Variants in SNAPC4 observed in about 807,000 individuals in gnomAD.
SNAPC4 encodes snRNA-activating protein complex subunit 4.
Under a neutral mutation model 151.3 loss-of-function variants are expected in SNAPC4, and 127 were observed. The ratio of observed to expected loss-of-function variants is 0.84; its 90% confidence interval spans 0.73 to 0.97. The LOEUF is 0.97. Ranked by LOEUF, SNAPC4 falls within the 50% of genes least tolerant of loss-of-function variation. The pLI is 0.00. For synonymous variants in SNAPC4, 1,002 were observed against 824.4 expected (o/e 1.22, Z -3.69); for missense variants, 2,186 against 1,935.0 (o/e 1.13, Z -2.43).
chr9:136,386,094 T>C (rs893962097), intron 13 of SNAPC4, among the ~76,000 whole-genome samples: 3 of 152,126 alleles, frequency 2.0e-5, no homozygotes, highest in African/African-American at 7.2e-5. Context: ...GGCTGGACCA[T>C]TTTACAACGC....
Position 136,382,395 on chromosome 9 carries a change from T to A in SNAPC4, c.1984-59A>T, listed in dbSNP as rs369944318. The stretch of plus-strand genomic sequence containing the variant: ...GGGTGTACGGGACACATGGGGGCCC[T>A]CCCCTCGCTGCCCACACACGACTGC... On this transcript the variant is annotated intron_variant, in intron 16 of 23. Transcript: ENST00000684778. The A allele has an allele frequency of 9.2e-6, 13 of 1,405,830 alleles. No individual in the cohort carries two copies. The Admixed American group carries it at 2.1e-4, about 22-fold the overall frequency. The allele number at this position is 1,405,830 out of a possible 1,614,324, so 87.1% of individuals were successfully genotyped here. A position where few individuals can be genotyped will look rare whatever the true frequency, so the allele number is the denominator to read the frequency against.
intron 11 of SNAPC4, 116 bp from the exon 12 acceptor site, chr9:136,387,964 C>A: frequency 1.5e-6 from 1 of 685,614 alleles, no homozygotes; most frequent in Non-Finnish European, 2.6e-6. Flanking sequence ...CCAGATGGGT[C>A]ACATAGAAAA....
rs200823536 is a variant in SNAPC4, at chr9:136,383,683, G to C, written c.1501-15C>G. 2.1e-5 allele frequency: 33 copies of C among 1,587,000 alleles called. No homozygotes were observed. Among genetic ancestry groups the C allele is most frequent in the Admixed American group, 1.4e-4 (8 of 58,846 alleles). ...CCCTGCTTCTTCTGAGGGGAGGAAA[G>C]AGCTACTTAGAGGCCTTGGCAAGCC... On this transcript the variant is annotated splice_polypyrimidine_tract_variant and intron_variant, in intron 15 of 23. Transcript: ENST00000684778. This position sits in a 1 kb window ranked among gnomAD's most constrained non-coding sequence, Gnocchi z 4.2.
intron 10 of SNAPC4, among the ~76,000 whole-genome samples, chr9:136,389,408 G>A (rs1296039158): frequency 1.3e-5 from 2 of 152,192 alleles, no homozygotes; most frequent in African/African-American, 4.8e-5. Context: ...GGGTGGCAGA[G>A]GGCACGCAGA....
rs1447395561 is a variant in SNAPC4 at position 136,379,846 on chromosome 9, T to C, written c.2518A>G (p.Ser840Gly). The C allele has an allele frequency of 6.2e-7, 1 of 1,613,360 alleles. No homozygotes were observed. Among genetic ancestry groups the C allele is most frequent in the East Asian group, 2.2e-5 (1 of 44,870 alleles). ...HLLQASSSAQ[S>G]TPGHLFPNVP... The stretch of plus-strand genomic sequence containing the variant: ...AGAGAAGCAGAGTTACCTGGGGTGC[T>C]CTGGGCACTTGAGGATGCCTGGAAA... Residue 840 changes from serine (S) to glycine (G), a missense_variant, in exon 21 of 24, where the codon AGC (serine) becomes GGC (glycine). By Grantham distance (56) the Ser-to-Gly change is moderately conservative. Transcript: ENST00000684778.
chr9:136,378,133 T>TG lies in SNAPC4; in HGVS notation c.3693dup (p.Arg1232GlnfsTer17), dbSNP rs1175340132. 1.2e-6 allele frequency: 2 copies of TG among 1,606,592 alleles called. No homozygotes were observed. The highest frequency in any genetic ancestry group is 4.5e-5 in the East Asian group (2 of 44,584). On this transcript the variant is annotated frameshift_variant, in exon 22 of 24. Coordinates refer to ENST00000684778, the MANE Select transcript of SNAPC4 (RefSeq NM_003086.4). LOFTEE classifies it high-confidence loss of function. The stretch of plus-strand genomic sequence containing the variant: ...AGCTTCTCCAGGCCCAGAGGCCCCC[T>TG]GGGCTCCTGTGTCCCTGAGGGGGAC...
Position 136,394,998 on chromosome 9 carries a change from T to C in SNAPC4, c.472-120A>G, listed in dbSNP as rs74809972. 0.021 allele frequency: 19,775 copies of C among 923,718 alleles called. 292 individuals carry two copies. Among genetic ancestry groups the C allele is most frequent in the Non-Finnish European group, 0.027 (16,529 of 615,806 alleles). The allele number at this position is 923,718 out of a possible 1,614,324, so 57.2% of individuals were successfully genotyped here. A position where few individuals can be genotyped will look rare whatever the true frequency, so the allele number is the denominator to read the frequency against. On this transcript the variant is annotated intron_variant, in intron 5 of 23. Transcript: ENST00000684778. ...CCCCCTGCCTCCTGTTCTCCCGTAC[T>C]GTGAGGCTGTGGGGGTGCAACCCTG... is the stretch of plus-strand genomic sequence containing the variant.
In SNAPC4 at chr9:136,378,728, C is replaced by T; in HGVS notation, c.3099G>A (p.Arg1033=). The stretch of plus-strand genomic sequence containing the variant: ...GTGGCGCCTCAGGCAGGCCCTGCTT[C>T]CGGGATGCAGCGGGGGCCTGAGACT... ...LGQSQAPAAS[R]KQGLPEAPPF... is the part of the protein sequence containing the mutation. Residue 1033 remains arginine (R), a synonymous_variant, in exon 22 of 24, where the codon CGG becomes CGA. Transcript: ENST00000684778. 6.6e-7 allele frequency: 1 copy of T among 1,508,678 alleles called. No homozygotes were observed. Among genetic ancestry groups the T allele is most frequent in the Non-Finnish European group, 8.9e-7 (1 of 1,128,742 alleles). 93.5% of individuals were successfully genotyped at this position (1,508,678 alleles called of 1,614,324 possible). A position where few individuals can be genotyped will look rare whatever the true frequency, so the allele number is the denominator to read the frequency against.
At chr9:136,386,201 A>C (rs1004910866) in intron 13 of SNAPC4, among the ~76,000 whole-genome samples, 1 of 149,608 alleles carries the variant, frequency 6.7e-6, no homozygotes, top group African/African-American at 2.5e-5. Flanking sequence ...TTTGACTTGC[A>C]CTTCCCTAAT....
rs763104183 is a variant in SNAPC4 at position 136,387,463 on chromosome 9, C to T, written c.1325+22G>A. The T allele has an allele frequency of 5.3e-5, 83 of 1,560,734 alleles. 1 individual carries two copies. The East Asian group carries it at 1.7e-3, about 31-fold the overall frequency. On this transcript the variant is annotated intron_variant, in intron 13 of 23. Coordinates refer to ENST00000684778, the MANE Select transcript of SNAPC4 (RefSeq NM_003086.4). ...CAGTGACCCACACGGGCCCCTCCCT[C>T]GCTCAGCGCTGTGCGACTCACCGAT...
rs1262194148 is a variant in SNAPC4, at chr9:136,376,388, T to C, written c.4378A>G (p.Arg1460Gly). 1 of 1,613,356 alleles carries C rather than the reference T, an allele frequency of 6.2e-7. No individual in the cohort carries two copies. The highest frequency in any genetic ancestry group is 8.5e-7 in the Non-Finnish European group (1 of 1,179,942). The change falls in exon 23 of 24, where the codon AGG becomes GGG. Residue 1460 changes from arginine (R) to glycine (G), a missense_variant. Physicochemically the swap from Arg to Gly is moderately radical, Grantham distance 125. Transcript: ENST00000684778. Reference protein sequence around the residue: ...DLDVLRTRHARHTRKRRRLV With the variant: ...DLDVLRTRHAGHTRKRRRLV ...AGCCGCCTCCGCTTCCGGGTGTGCC[T>C]GGCATGCCGGGTTCTGAGCACGTCC...
chr9:136,383,945 T>C lies in SNAPC4; in HGVS notation c.1500+8A>G, dbSNP rs369682303. 189 of 1,610,474 alleles carry C rather than the reference T, an allele frequency of 1.2e-4. No homozygotes were observed. Among genetic ancestry groups the C allele is most frequent in the Non-Finnish European group, 1.5e-4 (175 of 1,178,184 alleles). ...TGGTTTCAGATAAAGAAGGAGCGAGTGGCTCACCCCCATCATGATCTTCCA... is the reference window on the plus strand; with the variant it reads ...TGGTTTCAGATAAAGAAGGAGCGAGCGGCTCACCCCCATCATGATCTTCCA... On this transcript the variant is annotated splice_region_variant and intron_variant, in intron 15 of 23. Coordinates refer to ENST00000684778, the MANE Select transcript of SNAPC4 (RefSeq NM_003086.4). The surrounding 1 kb of genome is among the most constrained non-coding windows in gnomAD (Gnocchi z 4.2).
rs370609152 is a variant in SNAPC4 at position 136,381,316 on chromosome 9, G to C, written c.2388+6C>G. On this transcript the variant is annotated splice_donor_region_variant and intron_variant, in intron 19 of 23. Transcript: ENST00000684778. Reference sequence around the variant, plus strand: ...AGGAAAACGAAGCTCTGCCCAAGTAGCTTACCTGGGTAAACAGGGTAAACA... The same window carrying C: ...AGGAAAACGAAGCTCTGCCCAAGTACCTTACCTGGGTAAACAGGGTAAACA... 1.9e-6 allele frequency: 3 copies of C among 1,609,820 alleles called. No individual in the cohort carries two copies. The South Asian group carries it at 3.3e-5, about 18-fold the overall frequency.
In SNAPC4 at chr9:136,394,274, G is replaced by A. The variant is rs776804856; in HGVS notation, c.607C>T (p.Arg203Ter). The change falls in exon 7 of 24, where the codon CGA (arginine) becomes TGA (stop). Residue 203 changes from arginine to a stop codon, truncating the protein, a stop_gained. Coordinates refer to ENST00000684778, the MANE Select transcript of SNAPC4 (RefSeq NM_003086.4). LOFTEE classifies it high-confidence loss of function. Reference protein sequence around the residue: ...RKSVVSDRLQRLLQPKLLKLE... With the variant: ...RKSVVSDRLQ The stretch of plus-strand genomic sequence containing the variant: ...TTCAGTAACTTGGGCTGAAGCAATC[G>A]CTGCAGGCGGTCACTCACCACTGAC... 9 of 1,613,688 alleles carry A rather than the reference G, an allele frequency of 5.6e-6. No homozygotes were observed. Among genetic ancestry groups the A allele is most frequent in the African/African-American group, 2.7e-5 (2 of 74,930 alleles).
intron 6 of SNAPC4, 83 bp from the exon 7 acceptor site, chr9:136,394,413 G>A: frequency 7.9e-7 from 1 of 1,272,130 alleles, no homozygotes; most frequent in South Asian, 1.2e-5. Flanking sequence ...CACTTCCCGA[G>A]GCAGTGGTGG....
intron 13 of SNAPC4, among the ~76,000 whole-genome samples, chr9:136,386,591 C>T (rs564788046): frequency 6.4e-4 from 97 of 151,764 alleles, no homozygotes; most frequent in African/African-American, 2.1e-3. Flanking sequence ...TGTGCCACCA[C>T]GCCCGGCTAA....
At chr9:136,394,421 T>TG (rs1834188748) in intron 6 of SNAPC4, 91 bp from the exon 7 acceptor site, 1 of 1,214,776 alleles carries the variant, frequency 8.2e-7, no homozygotes, top group Non-Finnish European at 1.2e-6. Context: ...GAGGCAGTGG[T>TG]GGGGGGCCCC....
chr9:136,376,349 C>G lies in SNAPC4; in HGVS notation c.*7G>C. ...AGTGGCCTCCCCACTCAGGACTCAC[C>G]TGCTGCTCACACCAGCCGCCTCCGC... On this transcript the variant is annotated splice_region_variant and 3_prime_UTR_variant, in exon 23 of 24. Coordinates refer to ENST00000684778, the MANE Select transcript of SNAPC4 (RefSeq NM_003086.4). 6.2e-7 allele frequency: 1 copy of G among 1,613,016 alleles called. No individual in the cohort carries two copies. The highest frequency in any genetic ancestry group is 8.5e-7 in the Non-Finnish European group (1 of 1,179,922).
At chr9:136,382,676 G>C (rs76647334) in intron 16 of SNAPC4, among the ~76,000 whole-genome samples, 96 of 152,368 alleles carry the variant, frequency 6.3e-4, no homozygotes, top group African/African-American at 2.2e-3. Flanking sequence ...AGTAGCTTCA[G>C]TGTCCACTGT....
Sources: allele counts gnomAD v4.1 joint callset (sites outside exome capture counted in the v4.1 genomes callset), GRCh38; gene constraint gnomAD v4.1.1; non-coding constraint Gnocchi (gnomAD v3.1); transcripts MANE v1.5; gene names NCBI Gene and HGNC (gene_info 2026-07-23, HGNC 2026-07-21).